AATF: variants seen among roughly 807,000 people sequenced by gnomAD.
AATF encodes the protein protein AATF.
Under a neutral mutation model 63.7 loss-of-function variants are expected in AATF, and 48 were observed. The observed-to-expected ratio is 0.75, with a 90% CI of 0.60 to 0.96. The LOEUF (loss-of-function observed/expected upper bound fraction) is 0.96. Among genes scored for constraint, AATF ranks in the 40% least tolerant of loss-of-function variants. The pLI is 0.00. For synonymous variants in AATF, 258 were observed against 247.7 expected, an observed-to-expected ratio of 1.04 and a Z score of -0.39; for missense variants, 639 against 685.7, an observed-to-expected ratio of 0.93 and a Z score of 0.76.
intron 4 of AATF, among the ~76,000 whole-genome samples, chr17:36,961,911 G>A (rs2070950540): frequency 1.3e-5 from 2 of 152,182 alleles, no homozygotes; most frequent in African/African-American, 4.8e-5. Flanking sequence ...CTGACCTCAG[G>A]TAATCTGCCT....
chr17:36,981,617 CTT>C (rs1405781242), intron 4 of AATF, among the ~76,000 whole-genome samples: 5 of 150,978 alleles, frequency 3.3e-5, no homozygotes, highest in African/African-American at 4.9e-5. Context: ...CTGATTTCTT[CTT>C]CTTCTTTCTT....
At chr17:37,009,823 CAAAAAAAAA>C (rs1160362372) in intron 8 of AATF, among the ~76,000 whole-genome samples, 15 of 28,796 alleles carry the variant, frequency 5.2e-4, no homozygotes, top group East Asian at 1.9e-3. Context: ...GACTCCGTCT[CAAAAAAAAA>C]AAAAAAAAAA....
At chr17:37,005,834 G>A (rs1032952958) in intron 8 of AATF, among the ~76,000 whole-genome samples, 3 of 152,114 alleles carry the variant, frequency 2.0e-5, no homozygotes, top group Admixed American at 6.5e-5. Context: ...GTATGGATTA[G>A]AAAGCATGGC....
chr17:36,960,423 G>T (rs2070937956), intron 4 of AATF, among the ~76,000 whole-genome samples: 1 of 152,072 alleles, frequency 6.6e-6, no homozygotes, highest in South Asian at 2.1e-4. Flanking sequence ...ATAATGTTTT[G>T]TTTTTAAAGT....
At chr17:37,049,325 G>A (rs965208434) in intron 11 of AATF, among the ~76,000 whole-genome samples, 6 of 152,066 alleles carry the variant, frequency 3.9e-5, no homozygotes, top group African/African-American at 1.2e-4. Flanking sequence ...TGTCCAAGCC[G>A]GGCGCGGTGG....
In AATF at chr17:36,989,241, T is replaced by C. The variant is rs774544763; in HGVS notation, c.1150-6T>C. ...CATTATCTGACACTGCTTAATGTTG[T>C]TGCAGGGTTTTGGTGCCTTTGAACG... On this transcript the variant is annotated splice_region_variant and splice_polypyrimidine_tract_variant and intron_variant, in intron 6 of 11. Transcript: ENST00000619387. The C allele has an allele frequency of 5.6e-6, 9 of 1,610,336 alleles. No homozygotes were observed. The South Asian group carries it at 8.8e-5, about 16-fold the overall frequency.
intron 4 of AATF, among the ~76,000 whole-genome samples, chr17:36,969,141 A>G (rs1401633532): frequency 2.6e-5 from 4 of 152,236 alleles, no homozygotes; most frequent in East Asian, 1.9e-4. Flanking sequence ...CTTTTTGTCT[A>G]TGGTTTCCAT....
At chr17:37,043,363 G>C (rs895542406) in intron 11 of AATF, 1 of 152,094 alleles carries the variant, frequency 6.6e-6, no homozygotes, top group Non-Finnish European at 1.5e-5. Context: ...TCCCACCCCC[G>C]TCTCACTGTT....
chr17:37,046,306 T>C (rs2071690159), intron 11 of AATF, among the ~76,000 whole-genome samples: 1 of 151,804 alleles, frequency 6.6e-6, no homozygotes, highest in Admixed American at 6.6e-5. Context: ...ATTAGACCAT[T>C]AGAGTGTGTG....
At chr17:36,957,214 G>A (rs1336335910) in intron 4 of AATF, among the ~76,000 whole-genome samples, 1 of 152,312 alleles carries the variant, frequency 6.6e-6, no homozygotes, top group East Asian at 1.9e-4. Flanking sequence ...TTAGCCATGT[G>A]ACCTTGGGCA....
intron 4 of AATF, among the ~76,000 whole-genome samples, chr17:36,966,172 C>T (rs1021724020): frequency 2.8e-4 from 42 of 151,714 alleles, no homozygotes; most frequent in East Asian, 7.7e-4. Flanking sequence ...GTGATTTTAC[C>T]ATGTTTATGT....
At chr17:36,980,285 T>G (rs1357610757) in intron 4 of AATF, 1 of 152,240 alleles carries the variant, frequency 6.6e-6, no homozygotes, top group East Asian at 1.9e-4. Flanking sequence ...CTGAAAATTA[T>G]TCCTAAAGCT....
At chr17:37,052,357 T>C (rs1393584538) in intron 11 of AATF, 1 of 152,268 alleles carries the variant, frequency 6.6e-6, no homozygotes, top group East Asian at 1.9e-4. Flanking sequence ...GGGAAATGTT[T>C]ATGCAGTGGA....
chr17:36,986,625 G>A lies in AATF; in HGVS notation c.841G>A (p.Ala281Thr). The change falls in exon 5 of 12, where the codon GCA (alanine) becomes ACA (threonine). Residue 281 changes from alanine to threonine, a missense_variant. Transcript: ENST00000619387. ...FSSALKNSHK[A>T]LKALLRSLVG... The stretch of plus-strand genomic sequence containing the variant: ...TGTCCTTTATTTCCCAGGTCACAAG[G>A]CACTTAAAGCATTGTTGAGGTCATT... The A allele has an allele frequency of 6.2e-7, 1 of 1,613,656 alleles. No homozygotes were observed. The highest frequency in any genetic ancestry group is 8.5e-7 in the Non-Finnish European group (1 of 1,179,656).
At chr17:36,950,430 C>T (rs761362208) in intron 2 of AATF, 25 bp downstream of exon 2, 5 of 1,598,458 alleles carry the variant, frequency 3.1e-6, no homozygotes, top group Non-Finnish European at 4.3e-6. Flanking sequence ...TTGAATGGAA[C>T]TCTTCTCTTC....
chr17:37,012,714 T>A (rs1223948472), intron 8 of AATF, among the ~76,000 whole-genome samples: 1 of 152,186 alleles, frequency 6.6e-6, no homozygotes, highest in African/African-American at 2.4e-5. Context: ...TTAAAGTTAC[T>A]TGGTTTTTCA....
chr17:37,035,582 A>C (rs1268762703), intron 11 of AATF, among the ~76,000 whole-genome samples: 1 of 146,790 alleles, frequency 6.8e-6, no homozygotes, highest in East Asian at 2.0e-4. Flanking sequence ...TCTGTTGCCC[A>C]GGCAAGAGTG....
intron 4 of AATF, among the ~76,000 whole-genome samples, chr17:36,974,844 A>AGTCAACCTTATT (rs2071067724): frequency 6.6e-6 from 1 of 152,192 alleles, no homozygotes; most frequent in South Asian, 2.1e-4. Context: ...TCTTCTTGTC[A>AGTCAACCTTATT]GTCAACCTTA....
intron 10 of AATF, among the ~76,000 whole-genome samples, chr17:37,024,180 T>A (rs913908717): frequency 2.0e-5 from 3 of 151,956 alleles, no homozygotes; most frequent in African/African-American, 7.3e-5. Context: ...CCGACTGAGG[T>A]GCTGTGTGGG....
Sources: allele counts gnomAD v4.1 joint callset (sites outside exome capture counted in the v4.1 genomes callset), GRCh38; gene constraint gnomAD v4.1.1; transcripts MANE v1.5; gene names NCBI Gene and HGNC (gene_info 2026-07-23, HGNC 2026-07-21).